Variants in ITPR2 observed in about 807,000 individuals in gnomAD.
ITPR2 encodes inositol 1,4,5-trisphosphate-gated calcium channel ITPR2.
Under a neutral mutation model 317.1 loss-of-function variants are expected in ITPR2, and 207 were observed. The observed-to-expected ratio is 0.65, with a 90% confidence interval of 0.58 to 0.73. The LOEUF is 0.73. Among genes scored for constraint, ITPR2 ranks in the 30% least tolerant of loss-of-function variants. The probability of loss-of-function intolerance (pLI) is 0.00; values close to 1 mark genes in which losing one functional copy is unlikely to be tolerated. For synonymous variants in ITPR2, 1,156 were observed against 1,149.1 expected, an observed-to-expected ratio of 1.01 and a Z score of -0.12; for missense variants, 2,613 against 3,284.0, an observed-to-expected ratio of 0.80 and a Z score of 4.99.
chr12:26,577,019 C>T (rs1311359724), intron 34 of ITPR2, among the ~76,000 whole-genome samples: 2 of 152,216 alleles, frequency 1.3e-5, no homozygotes, highest in Non-Finnish European at 2.9e-5. Context: ...TCTTGCCTTC[C>T]ACCTTCTGCC....
chr12:26,772,865 G>A (rs1007294022), intron 2 of ITPR2, among the ~76,000 whole-genome samples: 1 of 151,398 alleles, frequency 6.6e-6, no homozygotes, highest in Non-Finnish European at 1.5e-5. Flanking sequence ...TTTAAGCCCC[G>A]CATGCATTAG....
intron 34 of ITPR2, among the ~76,000 whole-genome samples, chr12:26,565,657 T>C (rs748431392): frequency 3.3e-5 from 5 of 151,412 alleles, no homozygotes; most frequent in Non-Finnish European, 7.4e-5. Flanking sequence ...TGTTTGAAAA[T>C]AGACAATTTG....
intron 51 of ITPR2, among the ~76,000 whole-genome samples, chr12:26,414,060 C>T (rs1330927016): frequency 1.3e-5 from 2 of 150,594 alleles, no homozygotes; most frequent in African/African-American, 4.9e-5. Context: ...TACACACACA[C>T]ACACACACAC....
chr12:26,573,643 G>A (rs1482192802), intron 34 of ITPR2, among the ~76,000 whole-genome samples: 1 of 152,180 alleles, frequency 6.6e-6, no homozygotes, highest in African/African-American at 2.4e-5. Flanking sequence ...AGATCTGACT[G>A]ACAGAGGAAA....
intron 12 of ITPR2, 55 bp from the exon 13 acceptor site, chr12:26,682,089 G>GA: frequency 7.1e-7 from 1 of 1,410,294 alleles, no homozygotes. Flanking sequence ...AATATTCTTT[G>GA]AAGACTAACA....
At chr12:26,762,171 A>T (rs147397534) in intron 2 of ITPR2, among the ~76,000 whole-genome samples, 1 of 152,358 alleles carries the variant, frequency 6.6e-6, no homozygotes, top group Non-Finnish European at 1.5e-5. Flanking sequence ...GGGGCATAAC[A>T]GTTATTTAAA....
chr12:26,787,029 G>A (rs1950266147), intron 2 of ITPR2, among the ~76,000 whole-genome samples: 1 of 152,250 alleles, frequency 6.6e-6, no homozygotes. Flanking sequence ...AAAAAAATGG[G>A]GGAAATATAT....
rs150449918 is a variant in ITPR2, at chr12:26,345,020, C to T, written c.7858-4692G>A. Among the ~76,000 whole-genome samples, 9 of 152,102 alleles carry T rather than the reference C, an allele frequency of 5.9e-5. No homozygotes were observed. In the East Asian group the frequency reaches 1.7e-3, roughly 29 times the overall value. The stretch of plus-strand genomic sequence containing the variant: ...CTCTCCTACCTTTCTGCTTCTTGTT[C>T]CACTCCTCCCTTCCCTTGTGTATCT... On this transcript the variant is annotated intron_variant, in intron 55 of 56. Coordinates refer to ENST00000381340, the MANE Select transcript of ITPR2 (RefSeq NM_002223.4).
chr12:26,818,064 A>C (rs1201637874), intron 1 of ITPR2, among the ~76,000 whole-genome samples: 1 of 152,240 alleles, frequency 6.6e-6, no homozygotes, highest in Non-Finnish European at 1.5e-5. Context: ...CAAAAACTGA[A>C]ATTAGCATGC....
intron 2 of ITPR2, among the ~76,000 whole-genome samples, chr12:26,784,362 C>G (rs1445063042): frequency 8.5e-6 from 1 of 117,616 alleles, no homozygotes; most frequent in African/African-American, 3.0e-5. Context: ...TCTCCCTCTC[C>G]CTCCACGGTC....
intron 1 of ITPR2, among the ~76,000 whole-genome samples, chr12:26,814,788 A>G (rs1382872696): frequency 6.6e-6 from 1 of 152,250 alleles, no homozygotes; most frequent in African/African-American, 2.4e-5. Context: ...TAGGGCCTGA[A>G]TAATTTTTAT....
chr12:26,578,737 A>G lies in ITPR2; in HGVS notation c.4606T>C (p.Cys1536Arg), dbSNP rs776998874. 3 of 1,605,410 alleles carry G rather than the reference A, an allele frequency of 1.9e-6. No homozygotes were observed. The highest frequency in any genetic ancestry group is 4.5e-5 in the East Asian group (2 of 44,816). ...NPAQKASVESCIRTLAEVAKN... is the reference protein window; with the variant it reads ...NPAQKASVESRIRTLAEVAKN... Reference sequence around the variant, plus strand: ...CCCACTTCAGCCAAAGTTCTGATACAGGATTCCACTGAGGCTTTCTGCGCT... The same window carrying G: ...CCCACTTCAGCCAAAGTTCTGATACGGGATTCCACTGAGGCTTTCTGCGCT... Residue 1536 changes from cysteine to arginine, a missense_variant, in exon 34 of 57, where the codon TGT becomes CGT. Physicochemically the swap from Cys to Arg is radical, Grantham distance 180. This residue lies in a region of ITPR2 where 926 missense variants were observed against 1,072.8 expected (regional missense o/e 0.86). Transcript: ENST00000381340.
chr12:26,786,380 C>T (rs1241571620), intron 2 of ITPR2, among the ~76,000 whole-genome samples: 1 of 132,288 alleles, frequency 7.6e-6, no homozygotes, highest in African/African-American at 3.1e-5. Context: ...TATCTGCTGA[C>T]CTTCCCTCCA....
chr12:26,430,334 G>A (rs893673244), intron 48 of ITPR2, among the ~76,000 whole-genome samples: 5 of 152,152 alleles, frequency 3.3e-5, no homozygotes, highest in Non-Finnish European at 7.4e-5. Flanking sequence ...CGTGATCTCG[G>A]CTCACTGCAA....
intron 5 of ITPR2, among the ~76,000 whole-genome samples, chr12:26,719,611 T>C (rs1483691192): frequency 1.3e-5 from 2 of 152,216 alleles, no homozygotes; most frequent in Non-Finnish European, 2.9e-5. Flanking sequence ...TCAACACTTT[T>C]TTTTATTACA....
At chr12:26,422,071 T>C (rs917785638) in intron 49 of ITPR2, among the ~76,000 whole-genome samples, 1 of 151,258 alleles carries the variant, frequency 6.6e-6, no homozygotes, top group East Asian at 1.9e-4. Context: ...TTTAATTAAA[T>C]TATCTATTTG....
Position 26,340,199 on chromosome 12 carries a change from G to A in ITPR2, c.7987C>T (p.Leu2663=), listed in dbSNP as rs779028166. Residue 2663 remains leucine (L), a synonymous_variant, in exon 56 of 57, where the codon CTG becomes TTG. Coordinates refer to ENST00000381340, the MANE Select transcript of ITPR2 (RefSeq NM_002223.4). ...TTGAGCTCCGCCAGCTGACCCGACA[G>A]CTGTTTGACCAGACTCATGGTCGAT... is the stretch of plus-strand genomic sequence containing the variant. ...LESTMSLVKQ[L]SGQLAELKEQ... 1.2e-6 allele frequency: 2 copies of A among 1,607,878 alleles called. No homozygotes were observed. Among genetic ancestry groups the A allele is most frequent in the African/African-American group, 1.3e-5 (1 of 74,886 alleles).
intron 45 of ITPR2, among the ~76,000 whole-genome samples, chr12:26,474,793 CA>C (rs10616680): frequency 0.12 from 9,839 of 83,720 alleles, 168 homozygotes; most frequent in East Asian, 0.22. Context: ...GACTCCGTCT[CA>C]AAAAAAAAAA....
chr12:26,500,076 T>A (rs748689375), intron 37 of ITPR2, among the ~76,000 whole-genome samples: 24 of 152,222 alleles, frequency 1.6e-4, no homozygotes, highest in South Asian at 2.1e-4. Context: ...ACATCACAAG[T>A]TCAGCAGAAA....
Sources: gnomAD v4.1 joint callset for allele counts (sites outside exome capture counted in the v4.1 genomes callset) on GRCh38, gnomAD v4.1.1 for gene constraint, gnomAD v4.1.1 regional missense constraint, MANE v1.5 for transcripts, NCBI Gene and HGNC (gene_info 2026-07-23, HGNC 2026-07-21) for gene names.